Variants in PIGN observed in about 807,000 individuals in gnomAD.
The protein encoded by PIGN is GPI ethanolamine phosphate transferase 1.
Under a neutral mutation model 125.4 loss-of-function variants are expected in PIGN, and 117 were observed. The observed-to-expected ratio is 0.93, with a 90% confidence interval of 0.80 to 1.09. PIGN has a LOEUF of 1.09. Among genes scored for constraint, PIGN ranks in the 50% least tolerant of loss-of-function variants. The pLI is 0.00. For missense variants in PIGN, 1,075 were observed against 1,094.9 expected, an observed-to-expected ratio of 0.98 and a Z score of 0.26; for synonymous variants, 392 against 377.8, an observed-to-expected ratio of 1.04 and a Z score of -0.44.
intron 1 of PIGN, among the ~76,000 whole-genome samples, chr18:62,171,088 G>A (rs1394818373): frequency 6.6e-6 from 1 of 152,124 alleles, no homozygotes; most frequent in Non-Finnish European, 1.5e-5. Flanking sequence ...GACCAACTGG[G>A]GAAGAACTGA....
chr18:62,034,949 C>T (rs904052523), intron 23 of PIGN, among the ~76,000 whole-genome samples: 1 of 152,056 alleles, frequency 6.6e-6, no homozygotes, highest in South Asian at 2.1e-4. Context: ...GGCTCTGTGT[C>T]CCCACCCAAA....
intron 23 of PIGN, among the ~76,000 whole-genome samples, chr18:62,019,805 G>A (rs1441178293): frequency 2.0e-5 from 3 of 152,240 alleles, no homozygotes; most frequent in African/African-American, 7.2e-5. Context: ...TGAAATTACA[G>A]TTTTCAGACA....
intron 30 of PIGN, among the ~76,000 whole-genome samples, chr18:62,066,258 G>A (rs1011392194): frequency 3.9e-5 from 6 of 152,074 alleles, no homozygotes; most frequent in Non-Finnish European, 8.8e-5. Context: ...CACACCCCAT[G>A]GCAGCTTCCC....
At chr18:62,107,329 T>C in intron 17 of PIGN, 1 of 409,690 alleles carries the variant, frequency 2.4e-6, no homozygotes, top group Non-Finnish European at 4.5e-6. Context: ...GTGCAGTGGC[T>C]CAGGCCTGTA....
Position 62,045,959 on chromosome 18 carries a change from A to T in PIGN, c.2693T>A (p.Val898Asp). ...CACCAAAAAGATGGTCATGGACATG[A>T]CAATCACATAGTGGCTGATGCTGCA... ...IGTSISHYVIVMSMTIFLVFL... is the reference protein window; with the variant it reads ...IGTSISHYVIDMSMTIFLVFL... Residue 898 changes from valine to aspartate, a missense_variant, in exon 31 of 31, where the codon GTC (valine) becomes GAC (aspartate). Physicochemically the swap from Val to Asp is radical, Grantham distance 152. Coordinates refer to ENST00000640252, the MANE Select transcript of PIGN (RefSeq NM_176787.5). 6.2e-7 allele frequency: 1 copy of T among 1,613,032 alleles called. No individual in the cohort carries two copies.
At chr18:62,049,165 G>A (rs1240454207) in intron 30 of PIGN, among the ~76,000 whole-genome samples, 4 of 151,924 alleles carry the variant, frequency 2.6e-5, no homozygotes, top group African/African-American at 4.8e-5. Context: ...ATAAACATAC[G>A]TGTGCATGTG....
intron 23 of PIGN, among the ~76,000 whole-genome samples, chr18:62,094,191 T>C (rs1420664755): frequency 1.3e-5 from 2 of 152,170 alleles, no homozygotes; most frequent in Non-Finnish European, 2.9e-5. Context: ...GAAATAGTTT[T>C]TCATTCAAAA....
rs761321241 is a variant in PIGN, at chr18:62,084,608, T to A, written c.2427-2A>T. On this transcript the variant is annotated splice_acceptor_variant, in intron 26 of 30. Coordinates refer to ENST00000640252, the MANE Select transcript of PIGN (RefSeq NM_176787.5). LOFTEE classifies it high-confidence loss of function. ...CAATAGACAGAGGCAAGATCAAAGCTAGGGAATTATAACAAGGAAAAAGAA... is the reference window on the plus strand; with the variant it reads ...CAATAGACAGAGGCAAGATCAAAGCAAGGGAATTATAACAAGGAAAAAGAA... 2.0e-6 allele frequency: 3 copies of A among 1,535,138 alleles called. No individual in the cohort carries two copies. The highest frequency in any genetic ancestry group is 2.7e-6 in the Non-Finnish European group (3 of 1,130,324).
At chr18:62,085,736 T>C (rs976086821) in intron 25 of PIGN, among the ~76,000 whole-genome samples, 7 of 152,202 alleles carry the variant, frequency 4.6e-5, no homozygotes, top group African/African-American at 1.7e-4. Context: ...AATAATTCAA[T>C]AGAGAATGAC....
At chr18:62,079,543 A>C (rs1317841134) in intron 28 of PIGN, among the ~76,000 whole-genome samples, 2 of 152,358 alleles carry the variant, frequency 1.3e-5, no homozygotes, top group African/African-American at 4.8e-5. Flanking sequence ...AATCTGACCC[A>C]GGAAAAATTA....
intron 22 of PIGN, among the ~76,000 whole-genome samples, chr18:62,100,134 T>C (rs1415869401): frequency 6.6e-6 from 1 of 151,876 alleles, no homozygotes; most frequent in Non-Finnish European, 1.5e-5. Context: ...AACCTATTAA[T>C]CCAACTAAAA....
intron 23 of PIGN, among the ~76,000 whole-genome samples, chr18:62,018,590 C>T (rs1347591679): frequency 6.6e-6 from 1 of 152,168 alleles, no homozygotes; most frequent in African/African-American, 2.4e-5. Context: ...TTACCTTGTG[C>T]TGGGCTCTGA....
chr18:62,018,004 TTC>T lies in PIGN; in HGVS notation c.2143-265_2143-264del, dbSNP rs2030002709. On this transcript the variant is annotated intron_variant, in intron 23 of 24. Transcript: ENST00000639600. ...GAACAGTGTGCACCACAAAAGCTTA[TTC>T]TGTTTCCCCATATTCCCATATGCAT... 6.6e-5 allele frequency among the ~76,000 whole-genome samples: 10 copies of T among 152,316 alleles called. No individual in the cohort carries two copies. In the South Asian group the frequency reaches 2.1e-3, roughly 32 times the overall value.
chr18:62,138,894 C>T, intron 13 of PIGN, 89 bp downstream of exon 13: 1 of 681,824 alleles, frequency 1.5e-6, no homozygotes, highest in East Asian at 2.9e-5. Flanking sequence ...TAGTTAAAAA[C>T]AAAATCAAAT....
chr18:62,025,720 C>G (rs547110694), intron 23 of PIGN, among the ~76,000 whole-genome samples: 1 of 152,136 alleles, frequency 6.6e-6, no homozygotes, highest in East Asian at 1.9e-4. Flanking sequence ...CTTCTCCTCC[C>G]GGGTTTCCTA....
At chr18:62,051,925 G>T (rs1227986235) in intron 30 of PIGN, 1 of 152,104 alleles carries the variant, frequency 6.6e-6, no homozygotes, top group African/African-American at 2.4e-5. Flanking sequence ...TGGTTTCAAA[G>T]AACATCTTTA....
intron 23 of PIGN, among the ~76,000 whole-genome samples, chr18:62,020,888 C>T (rs1352181353): frequency 6.7e-6 from 1 of 149,628 alleles, no homozygotes; most frequent in Admixed American, 6.7e-5. Context: ...GTGAACCTGG[C>T]AGGCGGAGCT....
At chr18:62,157,277 G>T in intron 5 of PIGN, 50 bp from the exon 6 acceptor site, 1 of 901,288 alleles carries the variant, frequency 1.1e-6, no homozygotes. Flanking sequence ...GGTACAATAA[G>T]CCCCTAAAGA....
intron 16 of PIGN, 141 bp downstream of exon 16, chr18:62,112,993 A>C (rs2034938186): frequency 3.3e-6 from 2 of 613,218 alleles, no homozygotes; most frequent in Admixed American, 6.6e-5. Flanking sequence ...CTGAGGAAAA[A>C]TCCAATACAA....
Sources: allele counts gnomAD v4.1 joint callset (sites outside exome capture counted in the v4.1 genomes callset), GRCh38; gene constraint gnomAD v4.1.1; transcripts MANE v1.5; gene names NCBI Gene and HGNC (gene_info 2026-07-23, HGNC 2026-07-21).